SGF29: variants seen among roughly 807,000 people sequenced by gnomAD.
The protein encoded by SGF29 is SAGA complex associated factor 29.
SGF29 carries 15 observed loss-of-function variants against 38.1 expected under a neutral mutation model. The ratio of observed to expected loss-of-function variants is 0.39; its 90% CI spans 0.26 to 0.61. The LOEUF is 0.61. SGF29 is among the 20% of genes least tolerant of loss of function. The pLI is 0.49. For missense variants in SGF29, 184 were observed against 394.6 expected (o/e 0.47, Z 4.52); for synonymous variants, 151 against 160.8 (o/e 0.94, Z 0.46).
At chr16:28,554,307 C>A (rs1017357721) in intron 1 of SGF29, among the ~76,000 whole-genome samples, 5 of 152,142 alleles carry the variant, frequency 3.3e-5, no homozygotes, top group East Asian at 3.9e-4. Context: ...GGGCCCTGCG[C>A]CCGGCCGCTC....
At chr16:28,558,302 G>A (rs1000042689) in intron 1 of SGF29, among the ~76,000 whole-genome samples, 2 of 150,526 alleles carry the variant, frequency 1.3e-5, no homozygotes, top group African/African-American at 4.9e-5. Flanking sequence ...TTTTAGTAGA[G>A]ATGGGGTTTC....
At position 28,591,616 on chromosome 16, in the gene SGF29, T is replaced by C. The variant is rs199869563; in HGVS notation, c.792T>C (p.Phe264=). 9.3e-6 allele frequency: 15 copies of C among 1,614,032 alleles called. No individual in the cohort carries two copies. In the African/African-American group the frequency reaches 1.6e-4, roughly 17 times the overall value. ...QRPQDDYSVL[F]EDTSYADGYS... The stretch of plus-strand genomic sequence containing the variant: ...CCCAGGATGACTACTCGGTCCTGTT[T>C]GAAGACACCTCCTATGCAGATGGCT... The change falls in exon 10 of 10, where the codon TTT becomes TTC. Residue 264 remains phenylalanine (F), a synonymous_variant. Coordinates refer to ENST00000317058, the MANE Select transcript of SGF29 (RefSeq NM_138414.3).
At position 28,564,688 on chromosome 16, in the gene SGF29, T is replaced by C. The variant is rs1235784387; in HGVS notation, c.-16+10591T>C. Among the ~76,000 whole-genome samples, 6 of 75,444 alleles carry C rather than the reference T, an allele frequency of 8.0e-5. No homozygotes were observed. In the South Asian group the frequency reaches 1.2e-3, roughly 15 times the overall value. The allele number at this position is 75,444 out of a possible 152,430, so 49.5% of individuals were successfully genotyped here. Reference sequence around the variant, plus strand: ...ATGCATATATATGTATATATATGTGTATATATATGTATATATATACATATA... The same window carrying C: ...ATGCATATATATGTATATATATGTGCATATATATGTATATATATACATATA... On this transcript the variant is annotated intron_variant, in intron 1 of 9. Transcript: ENST00000317058.
chr16:28,582,326 A>G (rs1030170884), intron 2 of SGF29, among the ~76,000 whole-genome samples: 5 of 152,176 alleles, frequency 3.3e-5, no homozygotes, highest in Non-Finnish European at 5.9e-5. Flanking sequence ...AGGGATGGAT[A>G]GGTGGAGCAC....
At chr16:28,556,415 A>G (rs2046751646) in intron 1 of SGF29, among the ~76,000 whole-genome samples, 1 of 151,860 alleles carries the variant, frequency 6.6e-6, no homozygotes, top group South Asian at 2.1e-4. Context: ...TGGCGCAATC[A>G]TGGCTCACTG....
chr16:28,591,049 C>G (rs2046987120), intron 9 of SGF29, 114 bp downstream of exon 9: 1 of 1,301,444 alleles, frequency 7.7e-7, no homozygotes, highest in Admixed American at 2.8e-5. Context: ...AGGCTCCAAG[C>G]TGACAGGACC....
chr16:28,589,171 G>A lies in SGF29; in HGVS notation c.289+7G>A. 1 of 1,614,042 alleles carries A rather than the reference G, an allele frequency of 6.2e-7. No homozygotes were observed. Among genetic ancestry groups the A allele is most frequent in the Non-Finnish European group, 8.5e-7 (1 of 1,179,882 alleles). On this transcript the variant is annotated splice_region_variant and intron_variant, in intron 5 of 9. Transcript: ENST00000317058. ...TTGGAAGAGAGGCGGATTGGTGAGT[G>A]GGAGAGAACATGCTGGGAGGTCCTT... is the stretch of plus-strand genomic sequence containing the variant.
chr16:28,585,401 G>A, intron 3 of SGF29: 1 of 573,312 alleles, frequency 1.7e-6, no homozygotes, highest in South Asian at 2.1e-5. Flanking sequence ...TTTTCTGTGA[G>A]TGTCATGATG....
rs1322142909 is a variant in SGF29 at position 28,589,174 on chromosome 16, A to G, written c.289+10A>G. 1 of 1,613,912 alleles carries G rather than the reference A, an allele frequency of 6.2e-7. No homozygotes were observed. The highest frequency in any genetic ancestry group is 2.2e-5 in the East Asian group (1 of 44,868). On this transcript the variant is annotated intron_variant, in intron 5 of 9. Transcript: ENST00000317058. Reference sequence around the variant, plus strand: ...GAAGAGAGGCGGATTGGTGAGTGGGAGAGAACATGCTGGGAGGTCCTTTGC... The same window carrying G: ...GAAGAGAGGCGGATTGGTGAGTGGGGGAGAACATGCTGGGAGGTCCTTTGC...
chr16:28,557,965 G>GTTTTT (rs753237384), intron 1 of SGF29, among the ~76,000 whole-genome samples: 2 of 65,618 alleles, frequency 3.0e-5, no homozygotes, highest in African/African-American at 6.9e-5. Context: ...TTCTTTCTCT[G>GTTTTT]TTTTTTTTTT....
rs140589489 is a variant in SGF29, at chr16:28,580,523, G to A, written c.-15-532G>A. Among the ~76,000 whole-genome samples the A allele has an allele frequency of 1.6e-3, 244 of 152,226 alleles. 2 individuals carry two copies. Among genetic ancestry groups the A allele is most frequent in the African/African-American group, 5.5e-3 (229 of 41,540 alleles). The stretch of plus-strand genomic sequence containing the variant: ...GGCTTGCAGCTGTCCAAGTCCAGTC[G>A]CTGCTTCTGTCTGCACCTGGCTGTG... On this transcript the variant is annotated intron_variant, in intron 1 of 9. Transcript: ENST00000317058.
chr16:28,569,751 A>G (rs530787187), intron 1 of SGF29, among the ~76,000 whole-genome samples: 8 of 152,332 alleles, frequency 5.3e-5, no homozygotes, highest in African/African-American at 1.7e-4. Flanking sequence ...GAAGCCAGGT[A>G]CTAATCAAGA....
At chr16:28,585,244 AGTTAGCTGGT>A in intron 3 of SGF29, 1 of 519,838 alleles carries the variant, frequency 1.9e-6, no homozygotes, top group African/African-American at 1.9e-5. Flanking sequence ...CAAGCGCCCC[AGTTAGCTGGT>A]GTTTTCTAGA....
In SGF29 at chr16:28,590,793, G is replaced by A; in HGVS notation, c.623G>A (p.Arg208His). 1 of 1,614,012 alleles carries A rather than the reference G, an allele frequency of 6.2e-7. No individual in the cohort carries two copies. The highest frequency in any genetic ancestry group is 8.5e-7 in the Non-Finnish European group (1 of 1,179,966). The change falls in exon 9 of 10, where the codon CGC becomes CAC. Residue 208 changes from arginine to histidine, a missense_variant. Arg to His is a conservative substitution (Grantham distance 29). This residue lies in a region of SGF29 where 107 missense variants were observed against 276.9 expected (regional missense o/e 0.39). Coordinates refer to ENST00000317058, the MANE Select transcript of SGF29 (RefSeq NM_138414.3). This position sits in a 1 kb window ranked among gnomAD's most constrained non-coding sequence, Gnocchi z 8.2. The stretch of plus-strand genomic sequence containing the variant: ...CCCAGGAGACACACCCTGAGCCGGC[G>A]CCGTGTCATCCCGCTGCCCCAGTGG... ...EGKERHTLSR[R>H]RVIPLPQWKA...
intron 1 of SGF29, among the ~76,000 whole-genome samples, chr16:28,564,550 C>T (rs558637): frequency 0.29 from 19,154 of 67,160 alleles, 2,872 homozygotes; most frequent in Non-Finnish European, 0.36. Context: ...TATATATATA[C>T]GTATATATAT....
intron 1 of SGF29, among the ~76,000 whole-genome samples, chr16:28,559,839 C>A (rs1233365996): frequency 2.0e-5 from 3 of 152,158 alleles, no homozygotes; most frequent in African/African-American, 7.2e-5. Context: ...TGATTAACTG[C>A]ATGTTAACAG....
intron 1 of SGF29, among the ~76,000 whole-genome samples, chr16:28,555,792 A>C (rs1393844241): frequency 6.6e-6 from 1 of 152,234 alleles, no homozygotes; most frequent in Non-Finnish European, 1.5e-5. Flanking sequence ...CAGTTGCCTC[A>C]ATCATCATTT....
chr16:28,581,250 C>A, intron 2 of SGF29, 106 bp downstream of exon 2: 2 of 978,860 alleles, frequency 2.0e-6, no homozygotes, highest in Non-Finnish European at 3.2e-6. Flanking sequence ...TCGCAGGAAC[C>A]AAAATGACGT....
chr16:28,562,416 C>T (rs907929300), intron 1 of SGF29, among the ~76,000 whole-genome samples: 1 of 152,122 alleles, frequency 6.6e-6, no homozygotes, highest in African/African-American at 2.4e-5. Flanking sequence ...CATGAAGGTC[C>T]AGTTCCTTTC....
Sources: gnomAD v4.1 joint callset for allele counts (sites outside exome capture counted in the v4.1 genomes callset) on GRCh38, gnomAD v4.1.1 for gene constraint, gnomAD v4.1.1 regional missense constraint, Gnocchi (gnomAD v3.1) non-coding constraint, MANE v1.5 for transcripts, NCBI Gene and HGNC (gene_info 2026-07-23, HGNC 2026-07-21) for gene names.